The following AMDHD1 variants were observed in gnomAD, a reference collection of about 807,000 sequenced individuals.
The protein encoded by AMDHD1 is probable imidazolonepropionase.
Under a neutral mutation model 44.1 loss-of-function variants are expected in AMDHD1, and 45 were observed. The ratio of observed to expected loss-of-function variants is 1.02; its 90% CI spans 0.80 to 1.31. The LOEUF (loss-of-function observed/expected upper bound fraction) is 1.31, where lower values mean the gene tolerates loss of function less well. Among genes scored for constraint, AMDHD1 ranks in the 50% most tolerant of loss-of-function variants. The probability of loss-of-function intolerance (pLI) is 0.00; values close to 1 mark genes in which losing one functional copy is unlikely to be tolerated. For missense variants in AMDHD1, 586 were observed against 552.1 expected (o/e 1.06, Z -0.61); for synonymous variants, 206 against 205.0 (o/e 1.00, Z -0.04).
chr12:95,959,958 G>A (rs1416038710), intron 4 of AMDHD1, among the ~76,000 whole-genome samples: 8 of 45,466 alleles, frequency 1.8e-4, no homozygotes, highest in Non-Finnish European at 2.4e-4. Context: ...ACCATGCCCC[G>A]ATACTTTTAG....
intron 5 of AMDHD1, among the ~76,000 whole-genome samples, chr12:95,961,144 C>CAAAAAAAAAAAAA (rs3051622): frequency 1.5e-5 from 2 of 129,660 alleles, no homozygotes; most frequent in Admixed American, 8.2e-5. Context: ...GACTCCATCT[C>CAAAAAAAAAAAAA]AAAAAAAAAA....
intron 1 of AMDHD1, among the ~76,000 whole-genome samples, chr12:95,944,388 G>A (rs1271949897): frequency 6.7e-6 from 1 of 149,414 alleles, no homozygotes; most frequent in East Asian, 2.0e-4. Context: ...AGACGCATGA[G>A]CCACTGCGCC....
intron 1 of AMDHD1, among the ~76,000 whole-genome samples, chr12:95,946,830 C>A (rs1474522130): frequency 1.2e-4 from 2 of 17,386 alleles, no homozygotes; most frequent in African/African-American, 9.1e-4. Flanking sequence ...TTGGCCGGGC[C>A]GGTCTCCAGC....
intron 5 of AMDHD1, 40 bp downstream of exon 5, chr12:95,960,663 T>G (rs779554858): frequency 1.8e-5 from 28 of 1,574,848 alleles, no homozygotes; most frequent in Non-Finnish European, 2.3e-5. Context: ...CAACATTCAT[T>G]CTTGCACATT....
chr12:95,952,968 T>C (rs2136762504), intron 2 of AMDHD1, 145 bp downstream of exon 2: 1 of 572,904 alleles, frequency 1.7e-6, no homozygotes, highest in East Asian at 3.0e-5. Flanking sequence ...TTTCTATTAT[T>C]GAATGTATAG....
chr12:95,963,528 A>G (rs139252678), intron 6 of AMDHD1, among the ~76,000 whole-genome samples: 1 of 152,352 alleles, frequency 6.6e-6, no homozygotes, highest in East Asian at 1.9e-4. Context: ...TTTTATATGC[A>G]CATGTATGAT....
intron 6 of AMDHD1, among the ~76,000 whole-genome samples, chr12:95,962,996 G>C (rs188045691): frequency 3.6e-4 from 55 of 152,118 alleles, no homozygotes; most frequent in Non-Finnish European, 6.8e-4. Context: ...ATATTTTGCT[G>C]TATGCTGTCT....
rs771964596 is a variant in AMDHD1, at chr12:95,956,918, C to G, written c.543C>G (p.Asp181Glu). 1.3e-4 allele frequency: 204 copies of G among 1,612,898 alleles called. 1 individual carries two copies. In the South Asian group the frequency reaches 2.1e-3, roughly 17 times the overall value. ...RVIERARRELDIGISATYCGA... is the reference protein window; with the variant it reads ...RVIERARRELEIGISATYCGA... The stretch of plus-strand genomic sequence containing the variant: ...TTGAGCGCGCCCGGCGGGAGCTGGA[C>G]ATCGGCATCTCGGCTACCTACTGCG... The change falls in exon 4 of 9, where the codon GAC becomes GAG. Residue 181 changes from aspartate (D) to glutamate (E), a missense_variant. Transcript: ENST00000266736.
intron 1 of AMDHD1, 87 bp downstream of exon 1, chr12:95,943,622 G>A: frequency 7.3e-7 from 1 of 1,362,802 alleles, no homozygotes; most frequent in Non-Finnish European, 9.4e-7. Flanking sequence ...GGGAAACAAC[G>A]CCGTGAAAGC....
intron 2 of AMDHD1, among the ~76,000 whole-genome samples, chr12:95,954,645 A>T (rs2080541381): frequency 1.3e-5 from 2 of 151,840 alleles, no homozygotes; most frequent in South Asian, 2.1e-4. Flanking sequence ...ACTGAGCAAA[A>T]GGAGCTGTAT....
chr12:95,965,689 G>T lies in AMDHD1; in HGVS notation c.942G>T (p.Leu314=). 3 of 1,611,816 alleles carry T rather than the reference G, an allele frequency of 1.9e-6. No homozygotes were observed. The highest frequency in any genetic ancestry group is 2.5e-6 in the Non-Finnish European group (3 of 1,179,298). ...LLPTTAYMLR[L]KQPRARKMLD... The stretch of plus-strand genomic sequence containing the variant: ...CATATTTTTTTCCTCCCCTTAGACT[G>T]AAACAACCTCGAGCCAGGAAGATGT... Residue 314 remains leucine (L), a synonymous_variant, in exon 7 of 9, where the codon CTG becomes CTT. Coordinates refer to ENST00000266736, the MANE Select transcript of AMDHD1 (RefSeq NM_152435.3).
rs752356114 is a variant in AMDHD1 at position 95,965,809 on chromosome 12, G to A, written c.1032+30G>A. 5.8e-6 allele frequency: 8 copies of A among 1,384,122 alleles called. No homozygotes were observed. The South Asian group carries it at 9.7e-5, about 17-fold the overall frequency. The allele number at this position is 1,384,122 out of a possible 1,614,324, so 85.7% of individuals were successfully genotyped here. ...TTATTTTTTTCATGTACCTTTCTGAGCAGAGTATCTACCAAGCATATAAAT... is the reference window on the plus strand; with the variant it reads ...TTATTTTTTTCATGTACCTTTCTGAACAGAGTATCTACCAAGCATATAAAT... On this transcript the variant is annotated intron_variant, in intron 7 of 8. Coordinates refer to ENST00000266736, the MANE Select transcript of AMDHD1 (RefSeq NM_152435.3).
At chr12:95,951,041 G>A (rs1018097477) in intron 1 of AMDHD1, among the ~76,000 whole-genome samples, 1 of 151,982 alleles carries the variant, frequency 6.6e-6, no homozygotes, top group Admixed American at 6.6e-5. Flanking sequence ...GGGTAAATGG[G>A]GTTTCCATCA....
chr12:95,952,645 AT>A, intron 1 of AMDHD1, 71 bp from the exon 2 acceptor site: 1 of 970,952 alleles, frequency 1.0e-6, no homozygotes, highest in Non-Finnish European at 1.6e-6. Context: ...CTGAAAACAT[AT>A]TTTAAGTCAC....
chr12:95,964,032 T>TAA (rs35799594), intron 6 of AMDHD1, among the ~76,000 whole-genome samples: 29 of 119,372 alleles, frequency 2.4e-4, no homozygotes, highest in African/African-American at 7.9e-4. Flanking sequence ...GATTCCATCT[T>TAA]AAAAAAAAAA....
chr12:95,953,661 A>G (rs1327817748), intron 2 of AMDHD1, among the ~76,000 whole-genome samples: 2 of 152,184 alleles, frequency 1.3e-5, no homozygotes, highest in East Asian at 3.8e-4. Flanking sequence ...GGCTCACTGC[A>G]ACCTCCACCT....
chr12:95,961,006 C>T (rs1169836483), intron 5 of AMDHD1, among the ~76,000 whole-genome samples: 2 of 151,832 alleles, frequency 1.3e-5, no homozygotes, highest in African/African-American at 2.4e-5. Flanking sequence ...AAAAAATTAG[C>T]GTGGTGGCAC....
At chr12:95,966,290 T>A (rs879023574) in intron 7 of AMDHD1, 58 bp from the exon 8 acceptor site, 2 of 1,593,554 alleles carry the variant, frequency 1.3e-6, no homozygotes, top group Admixed American at 3.4e-5. Flanking sequence ...TGAGAAATGT[T>A]TTAAATTGCA....
intron 1 of AMDHD1, among the ~76,000 whole-genome samples, chr12:95,949,750 C>T (rs865902725): frequency 6.6e-6 from 1 of 152,142 alleles, no homozygotes; most frequent in Non-Finnish European, 1.5e-5. Flanking sequence ...TAGTGAAAAT[C>T]TCACCATAGC....
Sources: gnomAD v4.1 joint callset for allele counts (sites outside exome capture counted in the v4.1 genomes callset) on GRCh38, gnomAD v4.1.1 for gene constraint, MANE v1.5 for transcripts, NCBI Gene and HGNC (gene_info 2026-07-23, HGNC 2026-07-21) for gene names.